Variants in SATB2 observed in about 807,000 individuals in gnomAD.
The protein encoded by SATB2 is DNA-binding protein SATB2.
In SATB2, 1 loss-of-function variant was observed where a neutral mutation model predicts 73.4. The observed-to-expected ratio is 0.01, with a 90% CI of 0.00 to 0.06. The LOEUF is 0.06. Among genes scored for constraint, SATB2 ranks in the 10% least tolerant of loss-of-function variants. SATB2 has a pLI of 1.00. For missense variants in SATB2, 459 were observed against 945.8 expected (o/e 0.49, Z 6.75); for synonymous variants, 397 against 367.0 (o/e 1.08, Z -0.93).
At chr2:199,333,767 T>C (rs1332303218) in intron 7 of SATB2, among the ~76,000 whole-genome samples, 3 of 152,128 alleles carry the variant, frequency 2.0e-5, no homozygotes, top group Non-Finnish European at 4.4e-5. Context: ...TGCAACAAAT[T>C]AGGCTTTCAA....
chr2:199,323,776 G>A (rs373557724), intron 9 of SATB2, 27 bp downstream of exon 9: 60 of 1,611,476 alleles, frequency 3.7e-5, no homozygotes, highest in African/African-American at 6.7e-5. Flanking sequence ...TCCAGCCCTC[G>A]ATTTTGCTTT....
intron 3 of SATB2, among the ~76,000 whole-genome samples, chr2:199,411,980 G>A (rs1574603660): frequency 6.6e-6 from 1 of 152,116 alleles, no homozygotes; most frequent in Non-Finnish European, 1.5e-5. Flanking sequence ...AAACGCCTAA[G>A]GACAGAGATT....
At chr2:199,432,962 G>A (rs1691546819) in intron 3 of SATB2, among the ~76,000 whole-genome samples, 1 of 152,004 alleles carries the variant, frequency 6.6e-6, no homozygotes, top group African/African-American at 2.4e-5. Flanking sequence ...AAGTGCAGAA[G>A]CCACAGGCCC....
chr2:199,285,877 G>GTTTTT (rs1236266312), intron 10 of SATB2, among the ~76,000 whole-genome samples: 1 of 136,296 alleles, frequency 7.3e-6, no homozygotes, highest in Non-Finnish European at 1.6e-5. Context: ...GCCTTAGTCT[G>GTTTTT]TTTTTTTTTT....
upstream of SATB2, among the ~76,000 whole-genome samples, chr2:199,465,482 T>C (rs1692575911): frequency 6.6e-6 from 1 of 152,236 alleles, no homozygotes; most frequent in Non-Finnish European, 1.5e-5. Context: ...GACTTCTATA[T>C]GATAAAACGT....
upstream of SATB2, among the ~76,000 whole-genome samples, chr2:199,462,755 G>A (rs1692505267): frequency 6.6e-6 from 1 of 152,168 alleles, no homozygotes; most frequent in Non-Finnish European, 1.5e-5. This position sits in a 1 kb window ranked among gnomAD's most constrained non-coding sequence, Gnocchi z 5.9. Context: ...GAGCCCCTGC[G>A]GCCCGAGCAG....
At chr2:199,342,121 A>C (rs926782152) in intron 7 of SATB2, among the ~76,000 whole-genome samples, 1 of 152,244 alleles carries the variant, frequency 6.6e-6, no homozygotes, top group East Asian at 1.9e-4. Flanking sequence ...TTAACGGAAA[A>C]GCCTAACAGC....
intron 5 of SATB2, among the ~76,000 whole-genome samples, chr2:199,379,828 C>T (rs1312415238): frequency 2.0e-5 from 3 of 150,314 alleles, no homozygotes; most frequent in Admixed American, 1.3e-4. Context: ...ATGCCTGGCC[C>T]GTATACGTAA....
At chr2:199,304,640 C>G (rs1378625262) in intron 10 of SATB2, among the ~76,000 whole-genome samples, 1 of 152,176 alleles carries the variant, frequency 6.6e-6, no homozygotes, top group Non-Finnish European at 1.5e-5. Flanking sequence ...TCTCACCACC[C>G]TGGGGCAATG....
chr2:199,332,325 G>A (rs1688212362), intron 7 of SATB2, among the ~76,000 whole-genome samples: 1 of 152,074 alleles, frequency 6.6e-6, no homozygotes, highest in African/African-American at 2.4e-5. Flanking sequence ...TCTGCACAAG[G>A]TAGAGAGATA....
In SATB2 at chr2:199,351,794, CAAAGT is replaced by C. The variant is rs373318342; in HGVS notation, c.701-2626_701-2622del. ...CTTGTTTATTTGCTTTTAATTCAGT[CAAAGT>C]AAAGATAAATTCAGATATTAAATTA... On this transcript the variant is annotated intron_variant, in intron 6 of 10. Coordinates refer to ENST00000417098, the MANE Select transcript of SATB2 (RefSeq NM_001172509.2). Among the ~76,000 whole-genome samples, 7 of 152,146 alleles carry C rather than the reference CAAAGT, an allele frequency of 4.6e-5. No homozygotes were observed. In the East Asian group the frequency reaches 1.2e-3, roughly 25 times the overall value.
rs768561499 is a variant in SATB2, at chr2:199,272,711, T to C, written c.1741-39A>G. 2.5e-6 allele frequency: 4 copies of C among 1,569,054 alleles called. No individual in the cohort carries two copies. Among genetic ancestry groups the C allele is most frequent in the Admixed American group, 3.3e-5 (2 of 59,960 alleles). On this transcript the variant is annotated intron_variant, in intron 10 of 10. Coordinates refer to ENST00000417098, the MANE Select transcript of SATB2 (RefSeq NM_001172509.2). This position sits in a 1 kb window ranked among gnomAD's most constrained non-coding sequence, Gnocchi z 6.7. ...GAGAAAAAAATGAACACTGGACTCA[T>C]GATTTTACCTTTCCAAAACCATCAG...
At chr2:199,367,525 A>G (rs1480264506) in intron 6 of SATB2, among the ~76,000 whole-genome samples, 4 of 152,184 alleles carry the variant, frequency 2.6e-5, no homozygotes, top group Non-Finnish European at 5.9e-5. Context: ...ATAGCCAACA[A>G]GCACTACTTT....
intron 9 of SATB2, among the ~76,000 whole-genome samples, chr2:199,323,583 T>C (rs552675361): frequency 1.3e-5 from 2 of 152,142 alleles, no homozygotes; most frequent in South Asian, 4.2e-4. Flanking sequence ...GAGGCTAATT[T>C]TTTTTAATCT....
At chr2:199,440,340 C>A (rs572771922) in intron 2 of SATB2, among the ~76,000 whole-genome samples, 26 of 152,264 alleles carry the variant, frequency 1.7e-4, no homozygotes, top group Non-Finnish European at 2.9e-4. Context: ...GCCTCCTACT[C>A]CCCCCAGGGG....
intron 9 of SATB2, among the ~76,000 whole-genome samples, chr2:199,313,713 C>G (rs1310974961): frequency 6.6e-6 from 1 of 152,088 alleles, no homozygotes; most frequent in East Asian, 1.9e-4. Context: ...AAGAAATGTG[C>G]CATTAATTCT....
chr2:199,375,633 T>G (rs925731682), intron 5 of SATB2, among the ~76,000 whole-genome samples: 41 of 152,164 alleles, frequency 2.7e-4, no homozygotes, highest in African/African-American at 8.4e-4. Flanking sequence ...CAAACTCAAG[T>G]GAAGAATCAC....
chr2:199,389,280 A>G (rs911856932), intron 3 of SATB2, among the ~76,000 whole-genome samples: 2 of 152,196 alleles, frequency 1.3e-5, no homozygotes, highest in African/African-American at 4.8e-5. Context: ...TTGTTGGAAT[A>G]AACCTAACTC....
intron 3 of SATB2, among the ~76,000 whole-genome samples, chr2:199,408,381 A>G (rs973592058): frequency 2.0e-5 from 3 of 152,198 alleles, no homozygotes; most frequent in Non-Finnish European, 4.4e-5. Flanking sequence ...AAACAAAAAC[A>G]AGACAAACTA....
Sources: gnomAD v4.1 joint callset for allele counts (sites outside exome capture counted in the v4.1 genomes callset) on GRCh38, gnomAD v4.1.1 for gene constraint, Gnocchi (gnomAD v3.1) non-coding constraint, MANE v1.5 for transcripts, NCBI Gene and HGNC (gene_info 2026-07-23, HGNC 2026-07-21) for gene names.